NALF1: variants seen among roughly 807,000 people sequenced by gnomAD.
NALF1 encodes NALCN channel auxiliary factor 1, also known as family with sequence similarity 155 member A.
A neutral mutation model predicts 48.4 loss-of-function variants in NALF1; 3 were observed. That is an observed-to-expected ratio of 0.06 (90% CI 0.03 to 0.16). The LOEUF (loss-of-function observed/expected upper bound fraction) is 0.16, where lower values mean the gene tolerates loss of function less well. Ranked by LOEUF, NALF1 falls within the 10% of genes least tolerant of loss-of-function variation. NALF1 has a pLI of 1.00. For missense variants in NALF1, 526 were observed against 571.5 expected (o/e 0.92, Z 0.81); for synonymous variants, 262 against 245.7 (o/e 1.07, Z -0.62).
chr13:107,292,997 T>TCTTTTTC (rs71121519), intron 1 of NALF1, among the ~76,000 whole-genome samples: 1 of 138,732 alleles, frequency 7.2e-6, no homozygotes, highest in Non-Finnish European at 1.6e-5. Context: ...TTTTTCTTTT[T>TCTTTTTC]TTTTTTTTTT....
chr13:107,856,536 T>G (rs1374524631), intron 1 of NALF1, among the ~76,000 whole-genome samples: 1 of 152,198 alleles, frequency 6.6e-6, no homozygotes, highest in Admixed American at 6.5e-5. Context: ...TATTCATTAT[T>G]TTTTAAATTA....
At position 107,765,442 on chromosome 13, in the gene NALF1, T is replaced by A. The variant is rs567862021; in HGVS notation, c.915+100240A>T. 2.4e-4 allele frequency among the ~76,000 whole-genome samples: 37 copies of A among 152,322 alleles called. 1 individual carries two copies. In the South Asian group the frequency reaches 7.5e-3, roughly 31 times the overall value. ...CATGGGACAATATTATAGAGTTATA[T>A]AAGTAACAGCATATGGAAGTGCCAT... On this transcript the variant is annotated intron_variant, in intron 1 of 2. Coordinates refer to ENST00000375915, the MANE Select transcript of NALF1 (RefSeq NM_001080396.3).
At chr13:107,586,115 GGAAA>G (rs1208660941) in intron 1 of NALF1, among the ~76,000 whole-genome samples, 2 of 152,014 alleles carry the variant, frequency 1.3e-5, no homozygotes, top group Non-Finnish European at 2.9e-5. Context: ...AGAGAAAAAT[GGAAA>G]GAAAGGGAAT....
At chr13:107,470,038 C>T (rs953929569) in intron 1 of NALF1, among the ~76,000 whole-genome samples, 5 of 152,094 alleles carry the variant, frequency 3.3e-5, no homozygotes, top group South Asian at 2.1e-4. Flanking sequence ...CCACCACGCC[C>T]GACCAACTAT....
chr13:107,459,914 G>GT (rs1884890240), intron 1 of NALF1, among the ~76,000 whole-genome samples: 1 of 151,936 alleles, frequency 6.6e-6, no homozygotes, highest in Non-Finnish European at 1.5e-5. Flanking sequence ...GCTAATTTTT[G>GT]TATTCTTTGT....
At chr13:107,705,708 A>G (rs1040689804) in intron 1 of NALF1, among the ~76,000 whole-genome samples, 10 of 152,180 alleles carry the variant, frequency 6.6e-5, no homozygotes, top group African/African-American at 2.2e-4. Context: ...GGATTATAAC[A>G]TAAAAAACAG....
rs368532287 is a variant in NALF1, at chr13:107,344,782, C to T, written c.916-134027G>A. Among the ~76,000 whole-genome samples the T allele has an allele frequency of 9.2e-5, 14 of 151,864 alleles. No individual in the cohort carries two copies. In the East Asian group the frequency reaches 2.7e-3, roughly 29 times the overall value. On this transcript the variant is annotated intron_variant, in intron 1 of 2. Transcript: ENST00000375915. ...AATATCAGGAGCAAGACAAGAATGCCCACTCTTACCACTTTTATTCAAAAT... is the reference window on the plus strand; with the variant it reads ...AATATCAGGAGCAAGACAAGAATGCTCACTCTTACCACTTTTATTCAAAAT...
chr13:107,455,581 C>T (rs1369871068), intron 1 of NALF1, among the ~76,000 whole-genome samples: 1 of 152,156 alleles, frequency 6.6e-6, no homozygotes, highest in African/African-American at 2.4e-5. Flanking sequence ...TGTTCACTCT[C>T]AGTGGTGTAC....
intron 1 of NALF1, among the ~76,000 whole-genome samples, chr13:107,481,089 C>T (rs1885247049): frequency 6.6e-6 from 1 of 152,138 alleles, no homozygotes; most frequent in South Asian, 2.1e-4. Context: ...GGTTTTGAGG[C>T]AGCCCTGGCT....
intron 1 of NALF1, among the ~76,000 whole-genome samples, chr13:107,371,379 G>A (rs9520412): frequency 0.082 from 12,488 of 152,094 alleles, 591 homozygotes; most frequent in African/African-American, 0.14. Flanking sequence ...CCCAGGAAGT[G>A]GAGGCTGCAG....
chr13:107,316,738 T>C (rs1484973851), intron 1 of NALF1, among the ~76,000 whole-genome samples: 1 of 151,506 alleles, frequency 6.6e-6, no homozygotes, highest in African/African-American at 2.4e-5. Flanking sequence ...CACTTGTTGA[T>C]GGGGTTGTTT....
chr13:107,721,530 G>C (rs1012078223), intron 1 of NALF1, among the ~76,000 whole-genome samples: 1 of 152,088 alleles, frequency 6.6e-6, no homozygotes. Flanking sequence ...CTCTCTCCAC[G>C]GTGTAGTGCA....
chr13:107,635,299 T>A (rs1004351437), intron 1 of NALF1, among the ~76,000 whole-genome samples: 1 of 151,954 alleles, frequency 6.6e-6, no homozygotes, highest in Non-Finnish European at 1.5e-5. Flanking sequence ...AAACTTACAG[T>A]CATGGCAGAA....
intron 1 of NALF1, among the ~76,000 whole-genome samples, chr13:107,727,550 T>C (rs1876194404): frequency 6.6e-6 from 1 of 152,302 alleles, no homozygotes; most frequent in Non-Finnish European, 1.5e-5. Flanking sequence ...TTGGCACCAG[T>C]TCCTGTAATT....
At chr13:107,782,998 C>T (rs1431813949) in intron 1 of NALF1, among the ~76,000 whole-genome samples, 120 of 148,580 alleles carry the variant, frequency 8.1e-4, no homozygotes, top group African/African-American at 2.9e-3. Flanking sequence ...GGCCAGCCGC[C>T]CCGTCCGGGA....
chr13:107,723,788 G>A (rs1374246712), intron 1 of NALF1, among the ~76,000 whole-genome samples: 2 of 152,210 alleles, frequency 1.3e-5, no homozygotes, highest in Non-Finnish European at 2.9e-5. Context: ...AAATCACGGA[G>A]TGAAACTGTT....
intron 2 of NALF1, among the ~76,000 whole-genome samples, chr13:107,176,314 C>A (rs1417515812): frequency 1.5e-5 from 1 of 66,528 alleles, no homozygotes; most frequent in African/African-American, 5.7e-5. Flanking sequence ...ACCAACCTCA[C>A]AGTTTTTTTT....
At chr13:107,298,351 C>CAAAAAAAA (rs1192707023) in intron 1 of NALF1, among the ~76,000 whole-genome samples, 280 of 16,584 alleles carry the variant, frequency 0.017, 26 homozygotes, top group East Asian at 0.042. Flanking sequence ...GACTCCATCT[C>CAAAAAAAA]AAAAAAAAAA....
At chr13:107,704,113 A>C (rs989548447) in intron 1 of NALF1, among the ~76,000 whole-genome samples, 6 of 152,142 alleles carry the variant, frequency 3.9e-5, no homozygotes, top group African/African-American at 1.2e-4. Context: ...ATTAATTTGC[A>C]TACAGCTTTT....
Sources: allele counts gnomAD v4.1 joint callset (sites outside exome capture counted in the v4.1 genomes callset), GRCh38; gene constraint gnomAD v4.1.1; transcripts MANE v1.5; gene names NCBI Gene and HGNC (gene_info 2026-07-23, HGNC 2026-07-21).